ANTXR1: variants seen among roughly 807,000 people sequenced by gnomAD.
ANTXR1 encodes the protein anthrax toxin receptor 1.
A neutral mutation model predicts 78.1 loss-of-function variants in ANTXR1; 19 were observed. The ratio of observed to expected loss-of-function variants is 0.24; its 90% CI spans 0.17 to 0.36. The LOEUF is 0.36. ANTXR1 is among the 10% of genes least tolerant of loss of function. ANTXR1 has a pLI of 1.00. For synonymous variants in ANTXR1, 273 were observed against 260.5 expected, an observed-to-expected ratio of 1.05 and a Z score of -0.46; for missense variants, 518 against 718.6, an observed-to-expected ratio of 0.72 and a Z score of 3.19.
Position 69,144,269 on chromosome 2 carries a change from C to T in ANTXR1, c.952-7900C>T, listed in dbSNP as rs116842398. On this transcript the variant is annotated intron_variant, in intron 12 of 17. Coordinates refer to ENST00000303714, the MANE Select transcript of ANTXR1 (RefSeq NM_032208.3). ...CCTCTGCCCAGTGGCTGATGTGCCT[C>T]TCCCTCTGCCCTCAGGGTCTCTCCT... Among the ~76,000 whole-genome samples, 87 of 152,348 alleles carry T rather than the reference C, an allele frequency of 5.7e-4. 1 individual carries two copies. In the East Asian group the frequency reaches 0.016, roughly 28 times the overall value.
At chr2:69,197,668 C>A (rs1242208310) in intron 17 of ANTXR1, among the ~76,000 whole-genome samples, 1 of 152,178 alleles carries the variant, frequency 6.6e-6, no homozygotes, top group Non-Finnish European at 1.5e-5. Context: ...CCAAGCAGAA[C>A]ACATTTGACA....
chr2:69,055,757 C>T (rs1384754013), intron 3 of ANTXR1, among the ~76,000 whole-genome samples: 1 of 151,652 alleles, frequency 6.6e-6, no homozygotes, highest in Non-Finnish European at 1.5e-5. Context: ...ATTTATGCTC[C>T]AGAAAAAAAA....
intron 3 of ANTXR1, among the ~76,000 whole-genome samples, chr2:69,067,147 A>G (rs1046334922): frequency 3.9e-5 from 6 of 152,132 alleles, no homozygotes; most frequent in African/African-American, 1.4e-4. Context: ...GGCAGAGAGT[A>G]GGGAGATGGG....
chr2:69,133,295 T>C (rs569594854), intron 12 of ANTXR1, among the ~76,000 whole-genome samples: 2 of 152,344 alleles, frequency 1.3e-5, no homozygotes, highest in African/African-American at 4.8e-5. Context: ...AAACAACCAG[T>C]TGCAGAGAAC....
At chr2:69,045,879 C>A (rs1410022455) in intron 3 of ANTXR1, among the ~76,000 whole-genome samples, 2 of 152,082 alleles carry the variant, frequency 1.3e-5, no homozygotes, top group African/African-American at 4.8e-5. Context: ...GAAACTGAGG[C>A]CATGTCACCT....
intron 8 of ANTXR1, 182 bp from the exon 9 acceptor site, chr2:69,090,677 A>C: frequency 1.5e-6 from 1 of 645,974 alleles, no homozygotes; most frequent in Non-Finnish European, 2.8e-6. Flanking sequence ...CATCTAGCAC[A>C]ATCTGGCTTA....
intron 8 of ANTXR1, among the ~76,000 whole-genome samples, chr2:69,087,936 T>C (rs530863986): frequency 6.6e-6 from 1 of 152,340 alleles, no homozygotes; most frequent in African/African-American, 2.4e-5. Context: ...ACATTTCAAA[T>C]GAGTAGGAGC....
At chr2:69,158,171 C>T (rs1293757879) in intron 13 of ANTXR1, among the ~76,000 whole-genome samples, 1 of 152,230 alleles carries the variant, frequency 6.6e-6, no homozygotes, top group African/African-American at 2.4e-5. Flanking sequence ...CTCAAAGCTG[C>T]TGCTCAGTGT....
At position 69,013,391 on chromosome 2, in the gene ANTXR1, G is replaced by GA; in HGVS notation, c.-107dup. The GA allele has an allele frequency of 6.8e-7, 1 of 1,464,622 alleles. No individual in the cohort carries two copies. Among genetic ancestry groups the GA allele is most frequent in the Admixed American group, 2.0e-5 (1 of 50,808 alleles). 90.7% of individuals were successfully genotyped at this position (1,464,622 alleles called of 1,614,324 possible). ...CGGGGAGTTGCGAGGGAGCGAGGGG[G>GA]AATAAAGGACCCGCGAGGAAGGGCC... On this transcript the variant is annotated 5_prime_UTR_variant, in exon 1 of 18. Transcript: ENST00000303714. The surrounding 1 kb of genome is among the most constrained non-coding windows in gnomAD (Gnocchi z 5.0).
chr2:69,048,440 A>G (rs1669838555), intron 3 of ANTXR1, among the ~76,000 whole-genome samples: 1 of 152,156 alleles, frequency 6.6e-6, no homozygotes, highest in Non-Finnish European at 1.5e-5. Context: ...TTATAACTGT[A>G]ATTGGGCTGC....
At chr2:69,139,508 A>G (rs1673010679) in intron 12 of ANTXR1, among the ~76,000 whole-genome samples, 1 of 152,202 alleles carries the variant, frequency 6.6e-6, no homozygotes, top group South Asian at 2.1e-4. Flanking sequence ...ATGGGAAATA[A>G]GTTCTTGGTT....
intron 10 of ANTXR1, among the ~76,000 whole-genome samples, chr2:69,118,890 C>G (rs1019452228): frequency 7.2e-5 from 11 of 152,152 alleles, no homozygotes; most frequent in African/African-American, 2.2e-4. Flanking sequence ...AAAATGAAAA[C>G]AGGCTCCAAA....
chr2:69,092,909 C>T (rs1006034211), intron 9 of ANTXR1, among the ~76,000 whole-genome samples: 2 of 152,132 alleles, frequency 1.3e-5, no homozygotes, highest in Non-Finnish European at 2.9e-5. Flanking sequence ...TTTTATAGTT[C>T]TGTAATTTTA....
At chr2:69,103,194 C>T (rs1671683909) in intron 10 of ANTXR1, 1 of 509,758 alleles carries the variant, frequency 2.0e-6, no homozygotes, top group Admixed American at 3.1e-5. Context: ...CCCCGTCCTC[C>T]ACAAAACACA....
At chr2:69,181,025 G>A (rs1674262537) in intron 14 of ANTXR1, among the ~76,000 whole-genome samples, 1 of 152,144 alleles carries the variant, frequency 6.6e-6, no homozygotes, top group Non-Finnish European at 1.5e-5. Context: ...GGAGGAGGGG[G>A]GCACATGATA....
intron 17 of ANTXR1, among the ~76,000 whole-genome samples, chr2:69,244,837 C>G (rs768037852): frequency 3.3e-5 from 5 of 152,162 alleles, no homozygotes; most frequent in Admixed American, 2.0e-4. Context: ...AGTTGTGTGG[C>G]CTTGAAAAAG....
At chr2:69,103,907 A>C (rs998337658) in intron 10 of ANTXR1, among the ~76,000 whole-genome samples, 1 of 150,520 alleles carries the variant, frequency 6.6e-6, no homozygotes, top group African/African-American at 2.5e-5. Context: ...TTGACTAATC[A>C]CTCACACTAG....
At chr2:69,120,316 T>C (rs143461981) in intron 10 of ANTXR1, among the ~76,000 whole-genome samples, 2 of 152,302 alleles carry the variant, frequency 1.3e-5, no homozygotes, top group South Asian at 2.1e-4. Flanking sequence ...AGTCGAACCA[T>C]TGTTAAGTTG....
At chr2:69,170,347 G>A in intron 14 of ANTXR1, 58 bp downstream of exon 14, 2 of 1,600,706 alleles carry the variant, frequency 1.2e-6, no homozygotes, top group Non-Finnish European at 1.7e-6. Context: ...AGGGTGGAGA[G>A]CTGGCTGGGC....
Sources: allele counts gnomAD v4.1 joint callset (sites outside exome capture counted in the v4.1 genomes callset), GRCh38; gene constraint gnomAD v4.1.1; non-coding constraint Gnocchi (gnomAD v3.1); transcripts MANE v1.5; gene names NCBI Gene and HGNC (gene_info 2026-07-23, HGNC 2026-07-21).